The following CNPY1 variants were observed in gnomAD, a reference collection of about 807,000 sequenced individuals.
The protein encoded by CNPY1 is canopy FGF signaling regulator 1, also known as protein canopy homolog 1.
CNPY1 carries 14 observed loss-of-function variants against 14.4 expected under a neutral mutation model. The ratio of observed to expected loss-of-function variants is 0.97; its 90% CI spans 0.64 to 1.52. CNPY1 has a LOEUF of 1.52. Ranked by LOEUF, CNPY1 falls within the 40% of genes most tolerant of loss-of-function variation. The probability of loss-of-function intolerance (pLI) is 0.00; values close to 1 mark genes in which losing one functional copy is unlikely to be tolerated. For synonymous variants in CNPY1, 43 were observed against 46.5 expected, an observed-to-expected ratio of 0.92 and a Z score of 0.31; for missense variants, 129 against 131.5, an observed-to-expected ratio of 0.98 and a Z score of 0.09.
intron 2 of CNPY1, among the ~76,000 whole-genome samples, chr7:155,541,787 G>C (rs1758905652): frequency 6.6e-6 from 1 of 152,222 alleles, no homozygotes; most frequent in African/African-American, 2.4e-5. Context: ...CCCAGGAAGG[G>C]AAGTCTTCCA....
intron 2 of CNPY1, among the ~76,000 whole-genome samples, chr7:155,527,924 C>T (rs1024694138): frequency 6.6e-6 from 1 of 152,198 alleles, no homozygotes; most frequent in African/African-American, 2.4e-5. Flanking sequence ...GCCCTGGTGG[C>T]CCCGAAGGAG....
rs551832049 is a variant in CNPY1, at chr7:155,516,209, A to C, written c.100-7112T>G. ...CCACCCCCATGGGAGACAAGAGTTA[A>C]AGAACACCATCCACCCAGAGGGCAG... On this transcript the variant is annotated intron_variant, in intron 2 of 4. Coordinates refer to ENST00000636446, the MANE Select transcript of CNPY1 (RefSeq NM_001393663.1). 1.2e-4 allele frequency among the ~76,000 whole-genome samples: 18 copies of C among 152,342 alleles called. No homozygotes were observed. The South Asian group carries it at 3.7e-3, about 32-fold the overall frequency.
intron 2 of CNPY1, among the ~76,000 whole-genome samples, chr7:155,517,696 TCGGGG>T (rs1796647750): frequency 6.6e-6 from 1 of 152,214 alleles, no homozygotes; most frequent in Admixed American, 6.5e-5. Context: ...GGCACTGGGC[TCGGGG>T]TCCGCCCAAA....
intron 3 of CNPY1, 54 bp downstream of exon 3, chr7:155,508,840 T>C: frequency 6.3e-7 from 1 of 1,580,416 alleles, no homozygotes. Context: ...CAAAAAAGAG[T>C]TCCAAAAACA....
At chr7:155,523,713 G>A (rs1450538490) in intron 2 of CNPY1, among the ~76,000 whole-genome samples, 2 of 152,208 alleles carry the variant, frequency 1.3e-5, no homozygotes, top group African/African-American at 2.4e-5. Context: ...ACCTCAGTGG[G>A]TTGGGCTGTG....
chr7:155,537,846 T>TA lies in CNPY1; in HGVS notation c.99+7984dup, dbSNP rs1007967476. Among the ~76,000 whole-genome samples, 502 of 151,336 alleles carry TA rather than the reference T, an allele frequency of 3.3e-3. 1 individual carries two copies. The highest frequency in any genetic ancestry group is 0.011 in the African/African-American group (439 of 41,294). On this transcript the variant is annotated intron_variant, in intron 2 of 4. Coordinates refer to ENST00000636446, the MANE Select transcript of CNPY1 (RefSeq NM_001393663.1). ...ATTATCATGGAATTCTTTTGATTTC[T>TA]AAAAAAAAACCTTCAAAACTTTATG...
chr7:155,525,656 T>C (rs1412991368), intron 2 of CNPY1, among the ~76,000 whole-genome samples: 1 of 152,260 alleles, frequency 6.6e-6, no homozygotes, highest in Non-Finnish European at 1.5e-5. Context: ...CTTAGTGTAC[T>C]GCAAAGCTAC....
intron 2 of CNPY1, among the ~76,000 whole-genome samples, chr7:155,513,825 T>C (rs976514366): frequency 2.0e-5 from 3 of 152,228 alleles, no homozygotes; most frequent in Non-Finnish European, 4.4e-5. Flanking sequence ...ACACTTTCCT[T>C]TTATTATTAA....
intron 2 of CNPY1, among the ~76,000 whole-genome samples, chr7:155,522,081 A>G (rs982420328): frequency 6.6e-6 from 1 of 152,192 alleles, no homozygotes; most frequent in African/African-American, 2.4e-5. Context: ...GCCCACATGC[A>G]TCCACACACA....
chr7:155,539,030 G>A (rs1027999868), intron 2 of CNPY1, among the ~76,000 whole-genome samples: 1 of 152,112 alleles, frequency 6.6e-6, no homozygotes, highest in Admixed American at 6.5e-5. Context: ...AGCCAGCTTC[G>A]GGCCCCTTTC....
At chr7:155,534,332 TGCACAGAGGCACACATGCACACAC>T (rs1796995740) in intron 2 of CNPY1, among the ~76,000 whole-genome samples, 1 of 79,102 alleles carries the variant, frequency 1.3e-5, no homozygotes, top group Admixed American at 1.2e-4. Context: ...CACACACACG[TGCACAGAGGCACACATGCACACAC>T]GTGCACACAG....
chr7:155,526,231 G>C (rs1480331987), intron 2 of CNPY1, among the ~76,000 whole-genome samples: 2 of 152,202 alleles, frequency 1.3e-5, no homozygotes, highest in Admixed American at 6.5e-5. Context: ...GTGTGGGGGA[G>C]CAAGGCTTAT....
chr7:155,512,618 C>T (rs894100752), intron 2 of CNPY1, among the ~76,000 whole-genome samples: 29 of 152,170 alleles, frequency 1.9e-4, no homozygotes, highest in African/African-American at 6.8e-4. Flanking sequence ...TTACAGCATG[C>T]CTCCATGTTT....
chr7:155,504,689 A>AACACACACACACAC (rs61377945), intron 4 of CNPY1, among the ~76,000 whole-genome samples: 510 of 145,274 alleles, frequency 3.5e-3, no homozygotes, highest in African/African-American at 8.0e-3. Context: ...CATACCCCCC[A>AACACACACACACAC]ACACACACAC....
intron 2 of CNPY1, among the ~76,000 whole-genome samples, chr7:155,533,032 G>T (rs759015673): frequency 8.5e-5 from 13 of 152,132 alleles, no homozygotes; most frequent in Non-Finnish European, 1.6e-4. Flanking sequence ...ATCCCAAATC[G>T]ATACCCACTC....
At chr7:155,518,488 C>G (rs957426584) in intron 2 of CNPY1, 1 of 152,298 alleles carries the variant, frequency 6.6e-6, no homozygotes, top group South Asian at 2.1e-4. Flanking sequence ...GGCACAAAGA[C>G]GGCACCTTTG....
Position 155,507,015 on chromosome 7 carries a change from A to G in CNPY1, c.400+5T>C, listed in dbSNP as rs750232079. 7 of 1,586,926 alleles carry G rather than the reference A, an allele frequency of 4.4e-6. No individual in the cohort carries two copies. Among genetic ancestry groups the G allele is most frequent in the African/African-American group, 2.7e-5 (2 of 74,340 alleles). ...AGCGAGCACATGTTACATCAGACAC[A>G]GTACCTGATTTTTCACTGCACAGCT... On this transcript the variant is annotated splice_donor_5th_base_variant and intron_variant, in intron 4 of 4. Coordinates refer to ENST00000636446, the MANE Select transcript of CNPY1 (RefSeq NM_001393663.1).
At chr7:155,504,689 A>ACACACAC (rs1274638625) in intron 4 of CNPY1, among the ~76,000 whole-genome samples, 4 of 145,198 alleles carry the variant, frequency 2.8e-5, no homozygotes, top group Non-Finnish European at 3.0e-5. Flanking sequence ...CATACCCCCC[A>ACACACAC]ACACACACAC....
intron 2 of CNPY1, among the ~76,000 whole-genome samples, chr7:155,525,400 C>T (rs561801559): frequency 3.3e-5 from 5 of 152,294 alleles, no homozygotes; most frequent in South Asian, 4.1e-4. Flanking sequence ...AACTCCTGAC[C>T]TCAGGTGATC....
Sources: gnomAD v4.1 joint callset for allele counts (sites outside exome capture counted in the v4.1 genomes callset) on GRCh38, gnomAD v4.1.1 for gene constraint, MANE v1.5 for transcripts, NCBI Gene and HGNC (gene_info 2026-07-23, HGNC 2026-07-21) for gene names.